SUSD1: variants seen among roughly 807,000 people sequenced by gnomAD.
SUSD1 encodes sushi domain containing 1.
A neutral mutation model predicts 86.9 loss-of-function variants in SUSD1; 65 were observed. The observed-to-expected ratio is 0.75, with a 90% CI of 0.61 to 0.92. The LOEUF (loss-of-function observed/expected upper bound fraction) is 0.92. Among genes scored for constraint, SUSD1 ranks in the 40% least tolerant of loss-of-function variants. The pLI is 0.00. For missense variants in SUSD1, 850 were observed against 929.7 expected, an observed-to-expected ratio of 0.91 and a Z score of 1.11; for synonymous variants, 346 against 350.0, an observed-to-expected ratio of 0.99 and a Z score of 0.13.
chr9:112,080,220 C>G (rs1829706510), intron 10 of SUSD1, 55 bp from the exon 11 acceptor site: 1 of 1,308,604 alleles, frequency 7.6e-7, no homozygotes. Context: ...AAAATGCTAC[C>G]TTTTAATTGA....
intron 10 of SUSD1, among the ~76,000 whole-genome samples, chr9:112,086,556 AAGAAAGAGAGAG>A (rs1254732307): frequency 2.4e-4 from 31 of 131,430 alleles, no homozygotes; most frequent in African/African-American, 3.1e-4. Flanking sequence ...GAAAGAAAGA[AAGAAAGAGAGAG>A]AGAGAGAGAG....
chr9:112,144,529 G>A (rs1233638242), intron 3 of SUSD1, among the ~76,000 whole-genome samples: 1 of 152,038 alleles, frequency 6.6e-6, no homozygotes, highest in Non-Finnish European at 1.5e-5. Flanking sequence ...GCTCATGTCT[G>A]TAATCCTGGC....
Position 112,072,826 on chromosome 9 carries a change from G to A in SUSD1, c.1753+5712C>T, listed in dbSNP as rs553893478. Among the ~76,000 whole-genome samples, 5 of 152,334 alleles carry A rather than the reference G, an allele frequency of 3.3e-5. No homozygotes were observed. In the South Asian group the frequency reaches 1.0e-3, roughly 32 times the overall value. The stretch of plus-strand genomic sequence containing the variant: ...AGATATCAAAAGAGCCTGTGTCCAC[G>A]GAAGACTTGGAAAGGAAAACAGCTG... On this transcript the variant is annotated intron_variant, in intron 12 of 16. Transcript: ENST00000374270.
At chr9:112,068,566 G>T (rs2805486) in intron 12 of SUSD1, among the ~76,000 whole-genome samples, 101,566 of 151,708 alleles carry the variant, frequency 0.67, 34,395 homozygotes, top group Middle Eastern at 0.85. Flanking sequence ...GTCAGGCACA[G>T]TGGTGTACAC....
chr9:112,062,584 A>G (rs2131499459), intron 13 of SUSD1, among the ~76,000 whole-genome samples: 1 of 152,130 alleles, frequency 6.6e-6, no homozygotes, highest in Non-Finnish European at 1.5e-5. Context: ...AATCCCAGCT[A>G]CTCAGGAGGC....
At chr9:112,118,220 G>A (rs1449530602) in intron 6 of SUSD1, among the ~76,000 whole-genome samples, 1 of 152,086 alleles carries the variant, frequency 6.6e-6, no homozygotes, top group Admixed American at 6.6e-5. Flanking sequence ...TTCTAATACG[G>A]CTCATAAACT....
At chr9:112,050,819 C>T (rs1034083254) in intron 15 of SUSD1, among the ~76,000 whole-genome samples, 1 of 152,234 alleles carries the variant, frequency 6.6e-6, no homozygotes, top group Non-Finnish European at 1.5e-5. Context: ...ACTGTACTGC[C>T]AGGGAAATCC....
intron 12 of SUSD1, among the ~76,000 whole-genome samples, chr9:112,069,221 C>G (rs906029135): frequency 6.6e-6 from 1 of 151,954 alleles, no homozygotes; most frequent in African/African-American, 2.4e-5. Context: ...CTTTATGAAA[C>G]AGTGTTAGGT....
At chr9:112,074,249 T>C (rs1829414180) in intron 12 of SUSD1, among the ~76,000 whole-genome samples, 1 of 151,968 alleles carries the variant, frequency 6.6e-6, no homozygotes, top group South Asian at 2.1e-4. Context: ...AATAGCACAC[T>C]CAACATGTGG....
intron 12 of SUSD1, among the ~76,000 whole-genome samples, chr9:112,070,840 C>T (rs1348769428): frequency 6.6e-6 from 1 of 152,174 alleles, no homozygotes; most frequent in Non-Finnish European, 1.5e-5. Context: ...CAAAGAAATG[C>T]ACCAGGTGGC....
intron 12 of SUSD1, among the ~76,000 whole-genome samples, chr9:112,074,638 C>G (rs10115919): frequency 0.02 from 3,106 of 152,264 alleles, 107 homozygotes; most frequent in African/African-American, 0.07. Flanking sequence ...GCTACATTGT[C>G]CAGACCCAAA....
intron 10 of SUSD1, among the ~76,000 whole-genome samples, chr9:112,084,527 ACTGG>A (rs1306865565): frequency 1.6e-4 from 24 of 152,158 alleles, no homozygotes; most frequent in Non-Finnish European, 3.2e-4. Context: ...GAAATGTCTC[ACTGG>A]CTCAGTTCAT....
chr9:112,132,127 C>T (rs973242137), intron 5 of SUSD1, among the ~76,000 whole-genome samples: 2 of 152,178 alleles, frequency 1.3e-5, no homozygotes, highest in Non-Finnish European at 2.9e-5. Flanking sequence ...GACTGTATCA[C>T]AAATGTCACC....
At chr9:112,075,481 C>T (rs773359238) in intron 12 of SUSD1, among the ~76,000 whole-genome samples, 2 of 152,110 alleles carry the variant, frequency 1.3e-5, no homozygotes, top group Admixed American at 6.5e-5. Context: ...AATCTCAGCA[C>T]TTTGGGAGGT....
intron 1 of SUSD1, among the ~76,000 whole-genome samples, chr9:112,168,861 C>T (rs1833927429): frequency 6.6e-6 from 1 of 152,170 alleles, no homozygotes; most frequent in South Asian, 2.1e-4. Flanking sequence ...TTTAACCTAA[C>T]CCTCAACCAT....
Position 112,175,060 on chromosome 9 carries a change from C to T in SUSD1, c.103+73G>A. The T allele has an allele frequency of 5.1e-6, 5 of 982,420 alleles. No individual in the cohort carries two copies. The highest frequency in any genetic ancestry group is 6.1e-6 in the Non-Finnish European group (5 of 825,330). The allele number at this position is 982,420 out of a possible 1,614,324, so 60.9% of individuals were successfully genotyped here. A position where few individuals can be genotyped will look rare whatever the true frequency, so the allele number is the denominator to read the frequency against. On this transcript the variant is annotated intron_variant, in intron 1 of 16. Transcript: ENST00000374270. This position sits in a 1 kb window ranked among gnomAD's most constrained non-coding sequence, Gnocchi z 4.7. ...CCCGGCCCAGGGGCGGGGAAGCGTCCGTGCGCCCAGAGTCCTCGAGGCCCA... is the reference window on the plus strand; with the variant it reads ...CCCGGCCCAGGGGCGGGGAAGCGTCTGTGCGCCCAGAGTCCTCGAGGCCCA...
Position 112,087,479 on chromosome 9 carries a change from C to G in SUSD1, c.1475-7314G>C, listed in dbSNP as rs116425918. ...TACAGGTATGAGCCACTGAGCCAGG[C>G]CTAGGAAATTTAAAACTTAAAACAT... On this transcript the variant is annotated intron_variant, in intron 10 of 16. Transcript: ENST00000374270. Among the ~76,000 whole-genome samples, 1,393 of 152,014 alleles carry G rather than the reference C, an allele frequency of 9.2e-3. 19 individuals are homozygous for G. The highest frequency in any genetic ancestry group is 0.032 in the African/African-American group (1,310 of 41,452).
chr9:112,167,916 A>C (rs370103523), intron 1 of SUSD1, among the ~76,000 whole-genome samples: 1 of 152,232 alleles, frequency 6.6e-6, no homozygotes, highest in Non-Finnish European at 1.5e-5. Context: ...GCAGCAACAG[A>C]GAATGAGGGA....
chr9:112,129,057 T>C (rs1254484062), intron 5 of SUSD1, among the ~76,000 whole-genome samples: 2 of 151,752 alleles, frequency 1.3e-5, no homozygotes, highest in African/African-American at 4.9e-5. Flanking sequence ...GGGAGAAGAA[T>C]AGGAATAAAA....
Sources: allele counts gnomAD v4.1 joint callset (sites outside exome capture counted in the v4.1 genomes callset), GRCh38; gene constraint gnomAD v4.1.1; non-coding constraint Gnocchi (gnomAD v3.1); transcripts MANE v1.5; gene names NCBI Gene and HGNC (gene_info 2026-07-23, HGNC 2026-07-21).